Variants in ATAD2B observed in about 807,000 individuals in gnomAD.
ATAD2B encodes the protein ATPase family AAA domain containing 2B.
ATAD2B carries 40 observed loss-of-function variants against 167.6 expected under a neutral mutation model. The ratio of observed to expected loss-of-function variants is 0.24; its 90% CI spans 0.19 to 0.31. The LOEUF is 0.31. Ranked by LOEUF, ATAD2B falls within the 10% of genes least tolerant of loss-of-function variation. The probability of loss-of-function intolerance (pLI) is 1.00; values close to 1 mark genes in which losing one functional copy is unlikely to be tolerated. For missense variants in ATAD2B, 1,242 were observed against 1,757.2 expected (o/e 0.71, Z 5.24); for synonymous variants, 579 against 596.5 (o/e 0.97, Z 0.43).
At chr2:23,802,329 T>C (rs1359935747) in intron 18 of ATAD2B, among the ~76,000 whole-genome samples, 2 of 152,036 alleles carry the variant, frequency 1.3e-5, no homozygotes, top group Non-Finnish European at 2.9e-5. Flanking sequence ...TTTTATCCCT[T>C]TACTCTATTT....
the ATAD2B span, among the ~76,000 whole-genome samples, chr2:23,727,319 A>G: frequency 6.6e-6 from 1 of 152,214 alleles, no homozygotes. Flanking sequence ...GCATATGACA[A>G]AATGCTCAAC....
At chr2:23,893,220 A>T (rs1043547437) in intron 2 of ATAD2B, among the ~76,000 whole-genome samples, 1 of 152,204 alleles carries the variant, frequency 6.6e-6, no homozygotes, top group Non-Finnish European at 1.5e-5. Context: ...GCCAATTAAC[A>T]GTAATTTATT....
intron 22 of ATAD2B, among the ~76,000 whole-genome samples, chr2:23,768,354 C>T (rs926918944): frequency 2.0e-5 from 3 of 151,752 alleles, no homozygotes; most frequent in Admixed American, 6.6e-5. Flanking sequence ...GGCAACATGG[C>T]GAGCCACCGT....
intron 13 of ATAD2B, among the ~76,000 whole-genome samples, chr2:23,854,939 A>T (rs1370580423): frequency 6.6e-6 from 1 of 152,238 alleles, no homozygotes; most frequent in Non-Finnish European, 1.5e-5. Context: ...TCATGCCTGT[A>T]ATCCCAGCAC....
intron 19 of ATAD2B, among the ~76,000 whole-genome samples, chr2:23,796,788 A>C (rs1295176977): frequency 6.6e-6 from 1 of 152,200 alleles, no homozygotes. Context: ...GTTTCAAAAG[A>C]AATTCACGTA....
At chr2:23,765,688 A>T (rs1370225386) in intron 22 of ATAD2B, 60 bp from the exon 23 acceptor site, 1 of 1,105,784 alleles carries the variant, frequency 9.0e-7, no homozygotes, top group Non-Finnish European at 1.2e-6. Flanking sequence ...TTAACAAAGG[A>T]CATCTTAAAA....
intron 2 of ATAD2B, among the ~76,000 whole-genome samples, chr2:23,891,540 C>T (rs1051677861): frequency 9.2e-5 from 14 of 151,364 alleles, no homozygotes; most frequent in Non-Finnish European, 1.6e-4. Context: ...CTGTCGCCCA[C>T]GGTGGAGTGC....
the ATAD2B span, chr2:23,684,533 C>A: frequency 6.5e-7 from 1 of 1,545,140 alleles, no homozygotes. This position sits in a 1 kb window ranked among gnomAD's most constrained non-coding sequence, Gnocchi z 4.4. Flanking sequence ...GGACCTGATT[C>A]AAAGGTTTGC....
chr2:23,902,081 C>T (rs1700911260), intron 1 of ATAD2B, among the ~76,000 whole-genome samples: 1 of 152,134 alleles, frequency 6.6e-6, no homozygotes, highest in Non-Finnish European at 1.5e-5. Context: ...ACCTGCATTA[C>T]TCATTAAAAA....
At chr2:23,884,988 C>T in intron 5 of ATAD2B, 115 bp from the exon 6 acceptor site, 2 of 456,996 alleles carry the variant, frequency 4.4e-6, no homozygotes. Context: ...TATTTGCGTG[C>T]CATAGATTCG....
chr2:23,684,341 T>TAAA, the ATAD2B span: 28 of 993,420 alleles, frequency 2.8e-5, no homozygotes, highest in Middle Eastern at 2.7e-4. This position sits in a 1 kb window ranked among gnomAD's most constrained non-coding sequence, Gnocchi z 4.4. Context: ...TTTTTTTAAT[T>TAAA]AAAAAAAAAA....
intron 1 of ATAD2B, among the ~76,000 whole-genome samples, chr2:23,922,256 T>C: frequency 6.6e-6 from 1 of 151,996 alleles, no homozygotes; most frequent in Non-Finnish European, 1.5e-5. Context: ...TGCTGTACAG[T>C]TTTGTGAATA....
rs1222637008 is a variant in ATAD2B at position 23,877,991 on chromosome 2, G to A, written c.902-2087C>T. 2.1e-4 allele frequency among the ~76,000 whole-genome samples: 17 copies of A among 82,436 alleles called. 1 individual carries two copies. The allele number at this position is 82,436 out of a possible 152,430, so 54.1% of individuals were successfully genotyped here. On this transcript the variant is annotated intron_variant, in intron 7 of 27. Transcript: ENST00000238789. ...GCCATGTTCGCACCAATGCACTCCA[G>A]CCTGGATGACCCTATCTCCAAAGAA...
At chr2:23,773,384 C>T (rs1451654875) in intron 22 of ATAD2B, among the ~76,000 whole-genome samples, 1 of 152,010 alleles carries the variant, frequency 6.6e-6, no homozygotes, top group Non-Finnish European at 1.5e-5. Flanking sequence ...CTCATGTGGT[C>T]CCGGCTATTC....
chr2:23,747,319 T>G (rs1408495544), downstream of ATAD2B, among the ~76,000 whole-genome samples: 1 of 150,976 alleles, frequency 6.6e-6, no homozygotes, highest in African/African-American at 2.4e-5. Context: ...ATATGTGTAA[T>G]ATATATATAT....
At chr2:23,780,047 C>A (rs1679761000) in intron 22 of ATAD2B, among the ~76,000 whole-genome samples, 1 of 152,076 alleles carries the variant, frequency 6.6e-6, no homozygotes. Flanking sequence ...GAGTTTGAGA[C>A]CAGCCTGGGC....
At chr2:23,845,225 A>G (rs1356730894) in intron 13 of ATAD2B, among the ~76,000 whole-genome samples, 2 of 152,194 alleles carry the variant, frequency 1.3e-5, no homozygotes, top group Non-Finnish European at 2.9e-5. Flanking sequence ...TCTACCCAAG[A>G]GCGATAAAAA....
At chr2:23,926,436 G>A in intron 1 of ATAD2B, 119 bp downstream of exon 1, 1 of 1,429,756 alleles carries the variant, frequency 7.0e-7, no homozygotes. Context: ...CGCAGACCCT[G>A]TCTCCAGCCG....
At chr2:23,798,983 G>T (rs1056627087) in intron 18 of ATAD2B, among the ~76,000 whole-genome samples, 1 of 152,014 alleles carries the variant, frequency 6.6e-6, no homozygotes, top group East Asian at 1.9e-4. Context: ...TTTTCCTCAG[G>T]TGTTAAAAAG....
Sources: allele counts gnomAD v4.1 joint callset (sites outside exome capture counted in the v4.1 genomes callset), GRCh38; gene constraint gnomAD v4.1.1; non-coding constraint Gnocchi (gnomAD v3.1); transcripts MANE v1.5; gene names NCBI Gene and HGNC (gene_info 2026-07-23, HGNC 2026-07-21).